CHD6: variants seen among roughly 807,000 people sequenced by gnomAD.
CHD6 encodes the protein chromodomain helicase DNA binding protein 6, also known as ATP-dependent chromatin remodeler CHD6.
In CHD6, 50 loss-of-function variants were observed where a neutral mutation model predicts 276.9. The ratio of observed to expected loss-of-function variants is 0.18; its 90% CI spans 0.14 to 0.23. CHD6 has a LOEUF of 0.23. Ranked by LOEUF, CHD6 falls within the 10% of genes least tolerant of loss-of-function variation. The probability of loss-of-function intolerance (pLI) is 1.00; values close to 1 mark genes in which losing one functional copy is unlikely to be tolerated. For missense variants in CHD6, 2,564 were observed against 3,365.8 expected (o/e 0.76, Z 5.89); for synonymous variants, 1,173 against 1,229.3 (o/e 0.95, Z 0.96).
At chr20:41,545,776 T>G (rs1235236230) in intron 2 of CHD6, among the ~76,000 whole-genome samples, 2 of 152,100 alleles carry the variant, frequency 1.3e-5, no homozygotes, top group African/African-American at 2.4e-5. Flanking sequence ...CTTTCTCCCT[T>G]CCCACCACGT....
intron 17 of CHD6, among the ~76,000 whole-genome samples, chr20:41,471,443 A>G (rs1303044004): frequency 1.3e-5 from 2 of 152,206 alleles, no homozygotes; most frequent in African/African-American, 4.8e-5. Flanking sequence ...ATGGTAAGCT[A>G]GTTATAATCA....
At chr20:41,566,004 G>A (rs1030548225) in intron 1 of CHD6, among the ~76,000 whole-genome samples, 3 of 152,138 alleles carry the variant, frequency 2.0e-5, no homozygotes, top group African/African-American at 7.2e-5. Context: ...CTGGCTCCAT[G>A]GAGTAAGACA....
rs142165999 is a variant in CHD6, at chr20:41,537,992, C to T, written c.34-4422G>A. 2.9e-3 allele frequency among the ~76,000 whole-genome samples: 438 copies of T among 152,308 alleles called. 2 individuals carry two copies. Among genetic ancestry groups the T allele is most frequent in the African/African-American group, 9.7e-3 (403 of 41,566 alleles). ...AAAAGGTGGAAGCAACTCCATCCATCGACAGACGAACAGGCAAACAAAATG... is the reference window on the plus strand; with the variant it reads ...AAAAGGTGGAAGCAACTCCATCCATTGACAGACGAACAGGCAAACAAAATG... On this transcript the variant is annotated intron_variant, in intron 2 of 36. Coordinates refer to ENST00000373233, the MANE Select transcript of CHD6 (RefSeq NM_032221.5).
chr20:41,590,284 C>A (rs1302759436), intron 1 of CHD6, among the ~76,000 whole-genome samples: 1 of 152,150 alleles, frequency 6.6e-6, no homozygotes, highest in Non-Finnish European at 1.5e-5. Flanking sequence ...TAGGCAATAC[C>A]ATGCAGGACA....
chr20:41,491,770 T>C lies in CHD6; in HGVS notation c.1364A>G (p.Tyr455Cys). The C allele has an allele frequency of 1.9e-6, 3 of 1,613,926 alleles. No individual in the cohort carries two copies. Among genetic ancestry groups the C allele is most frequent in the Non-Finnish European group, 2.5e-6 (3 of 1,179,858 alleles). ...CTCCCGGAGCTGGTTACTGTTCTTA[T>C]ACTCGCGAGACTTCTCAAGTTTCTG... The part of the protein sequence containing the change: ...SWQKLEKSRE[Y>C]KNSNQLREYQ... The change falls in exon 11 of 37, where the codon TAT becomes TGT. Residue 455 changes from tyrosine to cysteine, a missense_variant. This residue lies in a region of CHD6 where 457 missense variants were observed against 889.0 expected (regional missense o/e 0.51). Coordinates refer to ENST00000373233, the MANE Select transcript of CHD6 (RefSeq NM_032221.5).
intron 20 of CHD6, 132 bp from the exon 21 acceptor site, chr20:41,453,074 C>A: frequency 1.5e-6 from 1 of 674,192 alleles, no homozygotes; most frequent in Non-Finnish European, 2.6e-6. Flanking sequence ...AAGGGCTATT[C>A]CCAGCACACC....
In CHD6 at chr20:41,498,165, T is replaced by C. The variant is rs2043734410; in HGVS notation, c.974+3A>G. 6.2e-7 allele frequency: 1 copy of C among 1,602,112 alleles called. No individual in the cohort carries two copies. The highest frequency in any genetic ancestry group is 8.5e-7 in the Non-Finnish European group (1 of 1,172,438). On this transcript the variant is annotated splice_donor_region_variant and intron_variant, in intron 7 of 36. Transcript: ENST00000373233. ...ATACAGAGAATACTTTAAATAGACG[T>C]ACAAATTTCTATACTTAACGTAGAA...
chr20:41,417,437 T>C, intron 31 of CHD6, 88 bp from the exon 32 acceptor site: 1 of 1,220,652 alleles, frequency 8.2e-7, no homozygotes, highest in Admixed American at 2.5e-5. Flanking sequence ...CTCTTTTCCT[T>C]TTGCTTTTTA....
chr20:41,525,989 T>TA (rs1010514457), intron 3 of CHD6, among the ~76,000 whole-genome samples: 13 of 151,984 alleles, frequency 8.6e-5, no homozygotes, highest in African/African-American at 2.9e-4. Flanking sequence ...CCTTTCCCTA[T>TA]AAAAAAACTC....
At chr20:41,525,748 C>A (rs148402910) in intron 3 of CHD6, among the ~76,000 whole-genome samples, 1 of 152,202 alleles carries the variant, frequency 6.6e-6, no homozygotes, top group Non-Finnish European at 1.5e-5. Flanking sequence ...TCTTTAATAA[C>A]TGGATCAATA....
intron 3 of CHD6, among the ~76,000 whole-genome samples, chr20:41,519,237 C>G (rs528189462): frequency 6.6e-6 from 1 of 152,294 alleles, no homozygotes; most frequent in South Asian, 2.1e-4. Context: ...GAGCACAGAT[C>G]ATGCCACTGC....
At chr20:41,593,969 T>C (rs929791095) in intron 1 of CHD6, among the ~76,000 whole-genome samples, 5 of 149,504 alleles carry the variant, frequency 3.3e-5, no homozygotes, top group African/African-American at 1.2e-4. Context: ...AACGAACTAA[T>C]GCAATGGAGA....
At position 41,492,846 on chromosome 20, in the gene CHD6, G is replaced by A. The variant is rs899998706; in HGVS notation, c.1314+692C>T. ...CAAGGCAGGAGAATTGCTTGAACTC[G>A]GGAGATGGAGGTTGCAGTGAGCTGA... On this transcript the variant is annotated intron_variant, in intron 10 of 36. Coordinates refer to ENST00000373233, the MANE Select transcript of CHD6 (RefSeq NM_032221.5). 4.6e-5 allele frequency among the ~76,000 whole-genome samples: 7 copies of A among 152,186 alleles called. No individual in the cohort carries two copies. In the South Asian group the frequency reaches 8.3e-4, roughly 18 times the overall value.
intron 26 of CHD6, among the ~76,000 whole-genome samples, chr20:41,437,954 G>A (rs1405567507): frequency 6.6e-6 from 1 of 152,150 alleles, no homozygotes; most frequent in Non-Finnish European, 1.5e-5. Context: ...CCAGCCTCAC[G>A]TCTACTCAGG....
chr20:41,428,046 G>A (rs1261155407), intron 27 of CHD6, among the ~76,000 whole-genome samples: 1 of 152,152 alleles, frequency 6.6e-6, no homozygotes, highest in Non-Finnish European at 1.5e-5. Flanking sequence ...CCAAGTCCAT[G>A]ACAACAGGCT....
chr20:41,474,746 C>T (rs896419670), intron 16 of CHD6, among the ~76,000 whole-genome samples: 13 of 152,054 alleles, frequency 8.5e-5, no homozygotes, highest in Admixed American at 4.6e-4. Context: ...CTAAATCTGG[C>T]AATATGATCT....
intron 27 of CHD6, among the ~76,000 whole-genome samples, chr20:41,431,841 G>A (rs1418561269): frequency 6.8e-6 from 1 of 148,128 alleles, no homozygotes; most frequent in African/African-American, 2.5e-5. Context: ...ACCCGGAAAT[G>A]GCAGAGGCAG....
chr20:41,556,505 C>T (rs1424644594), intron 1 of CHD6, among the ~76,000 whole-genome samples: 1 of 151,950 alleles, frequency 6.6e-6, no homozygotes. Flanking sequence ...ATGAACCTGA[C>T]CCCTAGGGGA....
At chr20:41,563,925 AT>A (rs1335548324) in intron 1 of CHD6, 6 of 654,674 alleles carry the variant, frequency 9.2e-6, no homozygotes, top group Non-Finnish European at 1.7e-5. Context: ...AACACTCTAT[AT>A]ATTCAGTTTC....
Sources: gnomAD v4.1 joint callset for allele counts (sites outside exome capture counted in the v4.1 genomes callset) on GRCh38, gnomAD v4.1.1 for gene constraint, gnomAD v4.1.1 regional missense constraint, MANE v1.5 for transcripts, NCBI Gene and HGNC (gene_info 2026-07-23, HGNC 2026-07-21) for gene names.